The following NECTIN3 variants were observed in gnomAD, a reference collection of about 807,000 sequenced individuals.
NECTIN3 encodes the protein nectin cell adhesion molecule 3.
NECTIN3 carries 8 observed loss-of-function variants against 49.4 expected under a neutral mutation model. The observed-to-expected ratio is 0.16, with a 90% CI of 0.10 to 0.29. NECTIN3 has a LOEUF of 0.29. Among genes scored for constraint, NECTIN3 ranks in the 10% least tolerant of loss-of-function variants. The pLI is 1.00. For missense variants in NECTIN3, 581 were observed against 654.6 expected (o/e 0.89, Z 1.23); for synonymous variants, 277 against 241.1 (o/e 1.15, Z -1.38).
At chr3:111,192,268 G>C (rs1029111487), upstream of NECTIN3, 5 of 1,225,284 alleles carry the variant, frequency 4.1e-6, no homozygotes, top group Non-Finnish European at 5.7e-6. Flanking sequence ...GACATGATTG[G>C]CTCTTTTAAA....
At chr3:111,113,168 G>A (rs1353627608) in intron 2 of NECTIN3, among the ~76,000 whole-genome samples, 2 of 152,160 alleles carry the variant, frequency 1.3e-5, no homozygotes, top group Non-Finnish European at 2.9e-5. Flanking sequence ...TCAGGCCAGT[G>A]ACTAAGTGAG....
chr3:111,135,976 A>T lies in NECTIN3; in HGVS notation c.*1761A>T. On this transcript the variant is annotated 3_prime_UTR_variant, in exon 6 of 6. Coordinates refer to ENST00000485303, the MANE Select transcript of NECTIN3 (RefSeq NM_015480.3). ...CAAATGTCTGGGTTTTAATATGGTT[A>T]ATCACTTATATACAAATATTACAAC... 1 of 946,940 alleles carries T rather than the reference A, an allele frequency of 1.1e-6. No homozygotes were observed. The allele number at this position is 946,940 out of a possible 1,614,324, so 58.7% of individuals were successfully genotyped here.
intron 1 of NECTIN3, among the ~76,000 whole-genome samples, chr3:111,103,436 C>T (rs1161866956): frequency 4.7e-5 from 7 of 149,276 alleles, no homozygotes; most frequent in Non-Finnish European, 7.4e-5. Flanking sequence ...ATTACTGATA[C>T]GTAAGAAAGT....
At chr3:111,185,388 A>G (rs2035701814) in intron 7 of NECTIN3, among the ~76,000 whole-genome samples, 1 of 152,290 alleles carries the variant, frequency 6.6e-6, no homozygotes, top group Non-Finnish European at 1.5e-5. Flanking sequence ...TCCCAGTCCT[A>G]TACAACACAG....
intron 2 of NECTIN3, among the ~76,000 whole-genome samples, chr3:111,115,394 C>T (rs887776860): frequency 2.0e-5 from 3 of 152,146 alleles, no homozygotes; most frequent in African/African-American, 4.8e-5. Context: ...TATTTGTATT[C>T]AGTAGTTGTG....
intron 7 of NECTIN3, among the ~76,000 whole-genome samples, chr3:111,180,595 G>C (rs1174431824): frequency 2.6e-5 from 4 of 152,188 alleles, no homozygotes; most frequent in Non-Finnish European, 4.4e-5. Context: ...AATTCTTTTA[G>C]AGAGGTACTT....
chr3:111,110,243 A>G (rs2033397952), intron 1 of NECTIN3, among the ~76,000 whole-genome samples: 3 of 151,514 alleles, frequency 2.0e-5, no homozygotes, highest in Admixed American at 1.3e-4. Flanking sequence ...ATAGTGCACC[A>G]TCTTGTCTTG....
At chr3:111,173,533 CTT>C (rs2035471059) in intron 7 of NECTIN3, among the ~76,000 whole-genome samples, 1 of 152,214 alleles carries the variant, frequency 6.6e-6, no homozygotes, top group Non-Finnish European at 1.5e-5. Context: ...TTTGTCCTCT[CTT>C]GAAGAACAAT....
At chr3:111,180,211 T>C (rs1480947851) in intron 7 of NECTIN3, among the ~76,000 whole-genome samples, 1 of 152,208 alleles carries the variant, frequency 6.6e-6, no homozygotes, top group East Asian at 1.9e-4. Context: ...TAGCCTCATA[T>C]TGAAAACCTT....
intron 1 of NECTIN3, among the ~76,000 whole-genome samples, chr3:111,094,017 G>A (rs114323895): frequency 5.3e-5 from 8 of 152,034 alleles, no homozygotes; most frequent in African/African-American, 1.7e-4. Context: ...TATTTCATTG[G>A]ATATAAATTG....
At position 111,136,302 on chromosome 3, in the gene NECTIN3, A is replaced by G. The variant is rs1304132451; in HGVS notation, c.*2087A>G. The G allele has an allele frequency of 1.0e-6, 1 of 976,864 alleles. No individual in the cohort carries two copies. Among genetic ancestry groups the G allele is most frequent in the Non-Finnish European group, 1.2e-6 (1 of 822,358 alleles). The allele number at this position is 976,864 out of a possible 1,614,324, so 60.5% of individuals were successfully genotyped here. A position where few individuals can be genotyped will look rare whatever the true frequency, so the allele number is the denominator to read the frequency against. On this transcript the variant is annotated 3_prime_UTR_variant, in exon 6 of 6. Transcript: ENST00000485303. ...TAAGAAATATATTTCAAAAATATAA[A>G]TACTGATTATGAACTTCCTTTTACA...
At chr3:111,119,906 A>G (rs538643530) in intron 3 of NECTIN3, among the ~76,000 whole-genome samples, 1 of 152,266 alleles carries the variant, frequency 6.6e-6, no homozygotes, top group South Asian at 2.1e-4. Flanking sequence ...TATGACATGC[A>G]TGGAGTTTTA....
intron 3 of NECTIN3, among the ~76,000 whole-genome samples, chr3:111,121,907 T>C (rs2033972118): frequency 6.6e-6 from 1 of 152,174 alleles, no homozygotes; most frequent in South Asian, 2.1e-4. Flanking sequence ...TGTAGTAGAA[T>C]TGCCTGTTTG....
intron 1 of NECTIN3, among the ~76,000 whole-genome samples, chr3:111,096,132 T>C (rs2032571489): frequency 6.6e-6 from 1 of 152,138 alleles, no homozygotes; most frequent in Admixed American, 6.5e-5. Context: ...ATATGGACAG[T>C]AAAATCCAGG....
chr3:111,072,269 A>G (rs2107340059), intron 1 of NECTIN3, 92 bp downstream of exon 1: 2 of 1,459,772 alleles, frequency 1.4e-6, no homozygotes, highest in African/African-American at 1.5e-5. Context: ...TCTCTGGAGC[A>G]GCGAGGCGGT....
intron 1 of NECTIN3, among the ~76,000 whole-genome samples, chr3:111,101,438 T>G (rs190283712): frequency 5.9e-5 from 9 of 152,240 alleles, no homozygotes; most frequent in Non-Finnish European, 1.3e-4. Context: ...AATTTGCTAT[T>G]TTCTATGCCT....
intron 1 of NECTIN3, chr3:111,074,165 C>T: frequency 4.4e-5 from 20 of 449,560 alleles, no homozygotes; most frequent in South Asian, 3.2e-4. Flanking sequence ...TTCCATCAAC[C>T]TTTATTTTGG....
chr3:111,133,649 A>T lies in NECTIN3; in HGVS notation c.1084A>T (p.Thr362Ser). The change falls in exon 6 of 6, where the codon ACC (threonine) becomes TCC (serine). Residue 362 changes from threonine (T) to serine (S), a missense_variant. Physicochemically the swap from Thr to Ser is moderately conservative, Grantham distance 58. This residue lies in a region of NECTIN3 where 238 missense variants were observed against 244.9 expected (regional missense o/e 0.97). Transcript: ENST00000485303. ...VIYISDPPTT[T>S]TLQPTIQWHP... is the part of the protein sequence containing the mutation. ...GTTTCCATTAGATCCTCCTACTACT[A>T]CCACCCTTCAGCCTACAATTCAGTG... The T allele has an allele frequency of 6.2e-7, 1 of 1,613,090 alleles. No homozygotes were observed. The highest frequency in any genetic ancestry group is 1.1e-5 in the South Asian group (1 of 90,976).
upstream of NECTIN3, among the ~76,000 whole-genome samples, chr3:111,191,664 A>G (rs1158985733): frequency 1.3e-5 from 2 of 152,134 alleles, no homozygotes; most frequent in Non-Finnish European, 2.9e-5. Flanking sequence ...CTTTAAATCT[A>G]TGTATAAAGA....
Sources: allele counts gnomAD v4.1 joint callset (sites outside exome capture counted in the v4.1 genomes callset), GRCh38; gene constraint gnomAD v4.1.1; regional missense constraint gnomAD v4.1.1; transcripts MANE v1.5; gene names NCBI Gene and HGNC (gene_info 2026-07-23, HGNC 2026-07-21).